The following SP100 variants were observed in gnomAD, a reference collection of about 807,000 sequenced individuals.
SP100 encodes nuclear autoantigen Sp-100.
In SP100, 84 loss-of-function variants were observed where a neutral mutation model predicts 130.0. That is an observed-to-expected ratio of 0.65 (90% CI 0.54 to 0.77). SP100 has a LOEUF of 0.77. Among genes scored for constraint, SP100 ranks in the 30% least tolerant of loss-of-function variants. The pLI, the probability that SP100 is intolerant of heterozygous loss-of-function variation, is 0.00. For missense variants in SP100, 978 were observed against 1,052.2 expected, an observed-to-expected ratio of 0.93 and a Z score of 0.97; for synonymous variants, 331 against 351.7, an observed-to-expected ratio of 0.94 and a Z score of 0.66.
intron 2 of SP100, among the ~76,000 whole-genome samples, chr2:230,429,148 A>T (rs1024063263): frequency 2.3e-4 from 35 of 152,276 alleles, no homozygotes; most frequent in African/African-American, 8.2e-4. Flanking sequence ...GTGATGATGG[A>T]TTCCTTTAGC....
chr2:230,462,386 T>C, intron 9 of SP100, 49 bp from the exon 10 acceptor site: 1 of 1,432,410 alleles, frequency 7.0e-7, no homozygotes, highest in Non-Finnish European at 9.8e-7. Context: ...GTGCATGGAC[T>C]CCTTGGTCAC....
intron 24 of SP100, chr2:230,515,495 A>G (rs776980031): frequency 1.9e-6 from 3 of 1,612,662 alleles, no homozygotes; most frequent in Admixed American, 1.7e-5. Flanking sequence ...TACAAAAAGG[A>G]TATTGCTGCA....
At chr2:230,496,552 C>T (rs1391216679) in intron 18 of SP100, among the ~76,000 whole-genome samples, 1 of 151,580 alleles carries the variant, frequency 6.6e-6, no homozygotes, top group Non-Finnish European at 1.5e-5. Flanking sequence ...GTGGGTTTTG[C>T]CTTTTAAAAA....
chr2:230,498,189 G>A (rs1359998432), intron 18 of SP100, among the ~76,000 whole-genome samples: 2 of 151,990 alleles, frequency 1.3e-5, no homozygotes, highest in East Asian at 3.8e-4. Flanking sequence ...GTATTCTTTG[G>A]GATATAAATG....
chr2:230,428,356 T>C (rs1256875764), intron 2 of SP100, among the ~76,000 whole-genome samples: 3 of 152,072 alleles, frequency 2.0e-5, no homozygotes. Flanking sequence ...CTCAGAAAAC[T>C]TACAATCATG....
At chr2:230,478,559 T>A (rs1203919257) in intron 17 of SP100, among the ~76,000 whole-genome samples, 1 of 152,232 alleles carries the variant, frequency 6.6e-6, no homozygotes, top group Non-Finnish European at 1.5e-5. Flanking sequence ...TTTAACACTT[T>A]GTCAAATCAG....
intron 24 of SP100, among the ~76,000 whole-genome samples, chr2:230,532,536 TA>T (rs58480173): frequency 0.013 from 1,992 of 148,012 alleles, 40 homozygotes; most frequent in African/African-American, 0.046. Context: ...TAAGTAGTAA[TA>T]AAAAAAAAAA....
chr2:230,466,203 A>AAAAAAAAATTTT, intron 11 of SP100, 98 bp from the exon 12 acceptor site: 1 of 599,876 alleles, frequency 1.7e-6, no homozygotes, highest in Non-Finnish European at 3.0e-6. Context: ...AAAAAAAAAA[A>AAAAAAAAATTTT]CTTTGTTATT....
intron 14 of SP100, chr2:230,469,513 G>GT: frequency 2.2e-6 from 1 of 457,980 alleles, no homozygotes; most frequent in South Asian, 1.6e-5. Flanking sequence ...TCCTAGGATT[G>GT]TATTCAGAAA....
chr2:230,540,880 C>A lies in SP100; in HGVS notation c.2215C>A (p.Pro739Thr). Residue 739 changes from proline (P) to threonine (T), a missense_variant, in exon 26 of 29, where the codon CCG becomes ACG. Coordinates refer to ENST00000340126, the MANE Select transcript of SP100 (RefSeq NM_001080391.2). ...HIPSVEANKN[P>T]WSCIFCRIKT... ...ACTTTATGCCCCATCTCTCAGGAAC[C>A]CGTGGAGTTGCATCTTCTGCAGGAT... 6.2e-7 allele frequency: 1 copy of A among 1,611,612 alleles called. No homozygotes were observed.
chr2:230,433,768 A>T (rs1217236096), intron 2 of SP100, among the ~76,000 whole-genome samples: 4 of 151,380 alleles, frequency 2.6e-5, no homozygotes, highest in Admixed American at 2.6e-4. Flanking sequence ...TGCAAACTCG[A>T]CTTTTAAATT....
intron 8 of SP100, among the ~76,000 whole-genome samples, chr2:230,453,116 A>G (rs996426946): frequency 1.3e-5 from 2 of 152,168 alleles, no homozygotes; most frequent in African/African-American, 4.8e-5. Context: ...GAAACTTACG[A>G]TCATGGCAGA....
chr2:230,526,143 C>T (rs950202943), intron 24 of SP100, among the ~76,000 whole-genome samples: 2 of 152,174 alleles, frequency 1.3e-5, no homozygotes, highest in African/African-American at 4.8e-5. Flanking sequence ...ACTGGGAAAC[C>T]CCTGCCAGTA....
At chr2:230,525,590 A>G (rs1181917313) in intron 24 of SP100, among the ~76,000 whole-genome samples, 1 of 152,162 alleles carries the variant, frequency 6.6e-6, no homozygotes, top group East Asian at 1.9e-4. Flanking sequence ...ACAGAGGGCA[A>G]GCTGAAGCAG....
intron 24 of SP100, among the ~76,000 whole-genome samples, chr2:230,531,726 G>T (rs752872405): frequency 3.9e-5 from 6 of 152,046 alleles, no homozygotes; most frequent in Admixed American, 2.6e-4. Flanking sequence ...TAGCACTAAA[G>T]TACTTCCTAG....
At chr2:230,418,709 G>C (rs13390645) in intron 2 of SP100, among the ~76,000 whole-genome samples, 2,020 of 152,028 alleles carry the variant, frequency 0.013, 40 homozygotes, top group African/African-American at 0.046. Flanking sequence ...ACCGTTGATT[G>C]ATTAAATTAT....
chr2:230,524,197 A>AAAAAAAAAAAAT (rs1691311655), intron 24 of SP100, among the ~76,000 whole-genome samples: 1 of 141,464 alleles, frequency 7.1e-6, no homozygotes, highest in Admixed American at 6.8e-5. Context: ...AAAAAAAAAA[A>AAAAAAAAAAAAT]AAAAGAAAAT....
In SP100 at chr2:230,461,327, A is replaced by G; in HGVS notation, c.886A>G (p.Ile296Val). ...INSCSVRLVD[I>V]KKEKPFSNSK... is the part of the protein sequence containing the mutation. ...TTCCTGTTCTGTGCGACTGGTGGAT[A>G]TAAAAAAGGAAAAGCCATTTTCTAA... is the stretch of plus-strand genomic sequence containing the variant. The change falls in exon 9 of 29, where the codon ATA (isoleucine) becomes GTA (valine). Residue 296 changes from isoleucine to valine, a missense_variant. Physicochemically the swap from Ile to Val is conservative, Grantham distance 29. Transcript: ENST00000340126. The G allele has an allele frequency of 6.2e-7, 1 of 1,614,178 alleles. No homozygotes were observed. Among genetic ancestry groups the G allele is most frequent in the Non-Finnish European group, 8.5e-7 (1 of 1,180,002 alleles).
At chr2:230,436,963 CATATATAT>C (rs1559486707) in intron 2 of SP100, among the ~76,000 whole-genome samples, 2 of 86,298 alleles carry the variant, frequency 2.3e-5, no homozygotes, top group South Asian at 3.1e-4. Flanking sequence ...TATACACACA[CATATATAT>C]GTGTATACAC....
Sources: gnomAD v4.1 joint callset for allele counts (sites outside exome capture counted in the v4.1 genomes callset) on GRCh38, gnomAD v4.1.1 for gene constraint, MANE v1.5 for transcripts, NCBI Gene and HGNC (gene_info 2026-07-23, HGNC 2026-07-21) for gene names.